IGSF11: variants seen among roughly 807,000 people sequenced by gnomAD.
IGSF11 encodes immunoglobulin superfamily member 11, also known as CXADR like 1.
A neutral mutation model predicts 41.0 loss-of-function variants in IGSF11; 22 were observed. The ratio of observed to expected loss-of-function variants is 0.54; its 90% CI spans 0.38 to 0.77. IGSF11 has a LOEUF of 0.77. Ranked by LOEUF, IGSF11 falls within the 30% of genes least tolerant of loss-of-function variation. IGSF11 has a pLI of 0.00. For missense variants in IGSF11, 444 were observed against 530.8 expected (o/e 0.84, Z 1.61); for synonymous variants, 219 against 201.3 (o/e 1.09, Z -0.74).
rs749127837 is a variant in IGSF11 at position 119,143,515 on chromosome 3, T to TA, written c.-14+2297dup. Reference sequence around the variant, plus strand: ...AGAAAGGAATCAACATGATACACTATAAAAAAAATCAACTAAACACAAAGG... The same window carrying TA: ...AGAAAGGAATCAACATGATACACTATAAAAAAAAATCAACTAAACACAAAGG... On this transcript the variant is annotated intron_variant, in intron 1 of 7. Transcript: ENST00000425327. 5.3e-5 allele frequency among the ~76,000 whole-genome samples: 8 copies of TA among 151,820 alleles called. No homozygotes were observed. The East Asian group carries it at 7.7e-4, about 15-fold the overall frequency.
intron 1 of IGSF11, among the ~76,000 whole-genome samples, chr3:119,061,636 C>T (rs1043507386): frequency 6.6e-6 from 1 of 152,130 alleles, no homozygotes; most frequent in Non-Finnish European, 1.5e-5. Context: ...ACTCTTTCTC[C>T]CTGAAATTAC....
At chr3:118,922,486 C>G (rs1941897684) in intron 4 of IGSF11, among the ~76,000 whole-genome samples, 1 of 151,842 alleles carries the variant, frequency 6.6e-6, no homozygotes, top group Admixed American at 6.6e-5. Flanking sequence ...TACAGTAATG[C>G]TAAATATAGG....
rs559381954 is a variant in IGSF11 at position 119,080,629 on chromosome 3, T to C, written c.49+24515A>G. ...ATGGAGATGTGAAGTTGATAATTTA[T>C]TGAAGGGGAACAGGGAAGTCTATGT... On this transcript the variant is annotated intron_variant, in intron 1 of 6. Transcript: ENST00000354673. Among the ~76,000 whole-genome samples, 8 of 152,330 alleles carry C rather than the reference T, an allele frequency of 5.3e-5. No individual in the cohort carries two copies. The East Asian group carries it at 1.3e-3, about 26-fold the overall frequency.
intron 1 of IGSF11, among the ~76,000 whole-genome samples, chr3:118,974,119 A>T (rs868390065): frequency 1.4e-4 from 21 of 147,212 alleles, no homozygotes; most frequent in Middle Eastern, 3.4e-3. Flanking sequence ...AAATTTAATT[A>T]AAAAAAAAAA....
intron 1 of IGSF11, among the ~76,000 whole-genome samples, chr3:118,931,029 T>C (rs529923907): frequency 3.7e-4 from 57 of 152,198 alleles, no homozygotes; most frequent in African/African-American, 1.3e-3. Flanking sequence ...GATAGACATA[T>C]AGATAAATGT....
chr3:119,131,859 A>C (rs977915257), intron 1 of IGSF11, among the ~76,000 whole-genome samples: 28 of 152,180 alleles, frequency 1.8e-4, no homozygotes, highest in Admixed American at 8.5e-4. Context: ...TCTCTTGGCC[A>C]AAACCCTACA....
chr3:118,966,508 ACAT>A (rs1945683633), intron 1 of IGSF11, among the ~76,000 whole-genome samples: 1 of 152,174 alleles, frequency 6.6e-6, no homozygotes, highest in African/African-American at 2.4e-5. Flanking sequence ...TTACCAAAAG[ACAT>A]CTAGCCTTTC....
At chr3:119,026,562 T>C (rs964016676) in intron 1 of IGSF11, among the ~76,000 whole-genome samples, 2 of 152,170 alleles carry the variant, frequency 1.3e-5, no homozygotes, top group Non-Finnish European at 2.9e-5. Context: ...ACATTAAGAC[T>C]GTACTAGTAG....
intron 1 of IGSF11, among the ~76,000 whole-genome samples, chr3:119,129,196 T>C (rs1368071183): frequency 6.6e-6 from 1 of 151,896 alleles, no homozygotes; most frequent in Non-Finnish European, 1.5e-5. Context: ...AGAGGATGAG[T>C]CAATAGGTGC....
At chr3:118,976,121 C>G (rs1265519037) in intron 1 of IGSF11, among the ~76,000 whole-genome samples, 1 of 152,118 alleles carries the variant, frequency 6.6e-6, no homozygotes, top group East Asian at 1.9e-4. Flanking sequence ...CAGCCCAGCC[C>G]TAAAGGCAGT....
At chr3:118,981,985 T>G in intron 1 of IGSF11, 1 of 152,584 alleles carries the variant, frequency 6.6e-6, no homozygotes, top group Non-Finnish European at 1.5e-5. Flanking sequence ...CTCCTCTGTG[T>G]CTCACCCGAC....
chr3:118,976,646 C>T (rs1934141491), intron 1 of IGSF11, among the ~76,000 whole-genome samples: 1 of 152,160 alleles, frequency 6.6e-6, no homozygotes, highest in African/African-American at 2.4e-5. Flanking sequence ...AGATAGTGAA[C>T]ATTCTGAAAA....
chr3:119,110,553 G>C (rs983512351), intron 1 of IGSF11, among the ~76,000 whole-genome samples: 1 of 152,140 alleles, frequency 6.6e-6, no homozygotes, highest in African/African-American at 2.4e-5. Context: ...CAATTTGCCA[G>C]TCTGTGTCTT....
intron 1 of IGSF11, among the ~76,000 whole-genome samples, chr3:119,138,668 T>C (rs2077596841): frequency 6.6e-6 from 1 of 152,008 alleles, no homozygotes. Context: ...CTGGGCAACA[T>C]AGCAAGACTC....
intron 1 of IGSF11, among the ~76,000 whole-genome samples, chr3:119,124,649 C>T (rs368676519): frequency 1.3e-5 from 2 of 151,792 alleles, no homozygotes; most frequent in Admixed American, 6.6e-5. Flanking sequence ...TAAAAAATAA[C>T]GAAGCACACC....
chr3:119,073,309 C>T (rs1300739623), intron 1 of IGSF11, among the ~76,000 whole-genome samples: 1 of 152,238 alleles, frequency 6.6e-6, no homozygotes, highest in African/African-American at 2.4e-5. Context: ...CAAGTCCCCA[C>T]CTGACTCAGG....
At chr3:119,105,009 G>C in intron 1 of IGSF11, 1 of 564,434 alleles carries the variant, frequency 1.8e-6, no homozygotes, top group African/African-American at 1.9e-5. Context: ...CCAGGACTTA[G>C]AAATGGAAGA....
intron 1 of IGSF11, among the ~76,000 whole-genome samples, chr3:119,003,444 T>C (rs1660801897): frequency 6.6e-6 from 1 of 150,716 alleles, no homozygotes; most frequent in South Asian, 2.1e-4. Context: ...CTTCCTCTTT[T>C]CCTAATTGAA....
chr3:119,143,257 T>A (rs1230939657), intron 1 of IGSF11, among the ~76,000 whole-genome samples: 1 of 152,184 alleles, frequency 6.6e-6, no homozygotes, highest in African/African-American at 2.4e-5. Context: ...TACAAAATAA[T>A]TATAATAAAT....
Sources: allele counts gnomAD v4.1 joint callset (sites outside exome capture counted in the v4.1 genomes callset), GRCh38; gene constraint gnomAD v4.1.1; transcripts MANE v1.5; gene names NCBI Gene and HGNC (gene_info 2026-07-23, HGNC 2026-07-21).